GPC6: variants seen among roughly 807,000 people sequenced by gnomAD.
The protein encoded by GPC6 is glypican 6.
Under a neutral mutation model 55.2 loss-of-function variants are expected in GPC6, and 14 were observed. That is an observed-to-expected ratio of 0.25 (90% confidence interval 0.17 to 0.40). The LOEUF (loss-of-function observed/expected upper bound fraction) is 0.40. Ranked by LOEUF, GPC6 falls within the 10% of genes least tolerant of loss-of-function variation. GPC6 has a pLI of 1.00. For synonymous variants in GPC6, 278 were observed against 259.6 expected (o/e 1.07, Z -0.68); for missense variants, 641 against 708.5 (o/e 0.90, Z 1.08).
chr13:93,303,167 C>A (rs189338785), intron 1 of GPC6, among the ~76,000 whole-genome samples: 2 of 152,258 alleles, frequency 1.3e-5, no homozygotes, highest in East Asian at 1.9e-4. Flanking sequence ...GCCCCAGAAC[C>A]ACTTTTGGTT....
chr13:94,291,587 A>G (rs1355986079), intron 5 of GPC6, among the ~76,000 whole-genome samples: 1 of 152,228 alleles, frequency 6.6e-6, no homozygotes, highest in Non-Finnish European at 1.5e-5. Flanking sequence ...TTTTAAATTT[A>G]GAAATCTGTA....
intron 4 of GPC6, among the ~76,000 whole-genome samples, chr13:94,193,360 G>C (rs946090851): frequency 6.6e-5 from 10 of 152,230 alleles, no homozygotes; most frequent in Admixed American, 2.6e-4. Flanking sequence ...TTGCAAGCTG[G>C]TGAGGCTGTA....
chr13:94,372,070 CTCCT>C (rs766074725), intron 6 of GPC6, among the ~76,000 whole-genome samples: 7 of 151,782 alleles, frequency 4.6e-5, no homozygotes, highest in Admixed American at 3.9e-4. Flanking sequence ...CCTTCCCTCC[CTCCT>C]TCCTTCCTTT....
intron 2 of GPC6, among the ~76,000 whole-genome samples, chr13:93,648,668 G>A (rs1041756095): frequency 9.9e-5 from 15 of 152,132 alleles, no homozygotes; most frequent in African/African-American, 7.2e-5. Flanking sequence ...TCTGAACATG[G>A]AATTTTATAT....
chr13:93,385,003 G>A (rs1040964053), intron 1 of GPC6, among the ~76,000 whole-genome samples: 1 of 152,204 alleles, frequency 6.6e-6, no homozygotes, highest in Non-Finnish European at 1.5e-5. Flanking sequence ...GGAGAGACCA[G>A]TAGAAGGGAA....
At chr13:94,352,388 G>A (rs1878594440) in intron 6 of GPC6, among the ~76,000 whole-genome samples, 2 of 151,382 alleles carry the variant, frequency 1.3e-5, no homozygotes, top group Admixed American at 6.6e-5. Flanking sequence ...CATTGCTGGA[G>A]GGCTGAGGAT....
intron 2 of GPC6, among the ~76,000 whole-genome samples, chr13:93,598,099 G>T (rs367996917): frequency 1.3e-5 from 2 of 152,094 alleles, no homozygotes; most frequent in East Asian, 3.8e-4. Flanking sequence ...AGCTGAGATC[G>T]TGCCACTGCA....
In GPC6 at chr13:93,717,677, A is replaced by C. The variant is rs574038878; in HGVS notation, c.320-112477A>C. Reference sequence around the variant, plus strand: ...TGTGCAGAATGTGCAGGTTTGTTACATAGGTATACATGTGCCATGGTGGTT... The same window carrying C: ...TGTGCAGAATGTGCAGGTTTGTTACCTAGGTATACATGTGCCATGGTGGTT... On this transcript the variant is annotated intron_variant, in intron 2 of 8. Transcript: ENST00000377047. Among the ~76,000 whole-genome samples, 6 of 151,806 alleles carry C rather than the reference A, an allele frequency of 4.0e-5. No individual in the cohort carries two copies. The East Asian group carries it at 9.7e-4, about 25-fold the overall frequency.
intron 3 of GPC6, among the ~76,000 whole-genome samples, chr13:93,931,292 G>A (rs1878158070): frequency 6.6e-6 from 1 of 152,032 alleles, no homozygotes; most frequent in Admixed American, 6.6e-5. Context: ...ATGACAACTG[G>A]ATTTGGGCAG....
chr13:94,328,289 C>G (rs1288648349), intron 6 of GPC6, among the ~76,000 whole-genome samples: 1 of 152,222 alleles, frequency 6.6e-6, no homozygotes, highest in Non-Finnish European at 1.5e-5. Context: ...ACTGCTACTG[C>G]TTTGAGAACC....
intron 1 of GPC6, among the ~76,000 whole-genome samples, chr13:93,351,385 A>T (rs559832674): frequency 9.4e-4 from 143 of 152,232 alleles, no homozygotes; most frequent in African/African-American, 3.3e-3. Context: ...AACAATTATA[A>T]GGTGATTATT....
intron 2 of GPC6, among the ~76,000 whole-genome samples, chr13:93,738,653 G>A (rs778957443): frequency 8.0e-4 from 121 of 152,018 alleles, no homozygotes; most frequent in Non-Finnish European, 1.5e-3. Context: ...AGAGACATGG[G>A]GGTTTGGAGT....
intron 4 of GPC6, among the ~76,000 whole-genome samples, chr13:94,266,372 G>T (rs922172482): frequency 1.3e-5 from 2 of 152,072 alleles, no homozygotes; most frequent in Non-Finnish European, 2.9e-5. Flanking sequence ...GTTTCACTGT[G>T]TTAGCCAGGA....
At chr13:94,222,087 A>G (rs1341510048) in intron 4 of GPC6, among the ~76,000 whole-genome samples, 1 of 151,632 alleles carries the variant, frequency 6.6e-6, no homozygotes, top group African/African-American at 2.4e-5. Context: ...GGTTTTTGTC[A>G]CAAACAAAAT....
rs1025304366 is a variant in GPC6, at chr13:93,426,937, G to C, written c.161-118326G>C. ...ATTTTAATGATTGCCATTCTAACTG[G>C]TGTGAGATGGTATCTCATTGTGGTT... On this transcript the variant is annotated intron_variant, in intron 1 of 8. Transcript: ENST00000377047. Among the ~76,000 whole-genome samples, 335 of 149,096 alleles carry C rather than the reference G, an allele frequency of 2.2e-3. 1 individual carries two copies. Among genetic ancestry groups the C allele is most frequent in the African/African-American group, 8.0e-3 (324 of 40,340 alleles).
chr13:93,714,338 A>G (rs1883176879), intron 2 of GPC6, among the ~76,000 whole-genome samples: 1 of 151,808 alleles, frequency 6.6e-6, no homozygotes, highest in South Asian at 2.1e-4. Context: ...AAAAATGCCC[A>G]TCATCACTAG....
chr13:94,361,677 G>C (rs368190641), intron 6 of GPC6, among the ~76,000 whole-genome samples: 1 of 152,338 alleles, frequency 6.6e-6, no homozygotes, highest in Admixed American at 6.5e-5. Context: ...GACAATAATC[G>C]TTCCAAGTAA....
chr13:94,280,975 T>G (rs1464033717), intron 4 of GPC6, among the ~76,000 whole-genome samples: 1 of 152,198 alleles, frequency 6.6e-6, no homozygotes, highest in African/African-American at 2.4e-5. Context: ...TTTTATTTTT[T>G]TAATTTTAAT....
chr13:93,396,047 G>A (rs1019812459), intron 1 of GPC6, among the ~76,000 whole-genome samples: 2 of 152,130 alleles, frequency 1.3e-5, no homozygotes, highest in Non-Finnish European at 2.9e-5. Context: ...TTTATATCCT[G>A]GAGAAGAAAT....
Sources: allele counts gnomAD v4.1 joint callset (sites outside exome capture counted in the v4.1 genomes callset), GRCh38; gene constraint gnomAD v4.1.1; transcripts MANE v1.5; gene names NCBI Gene and HGNC (gene_info 2026-07-23, HGNC 2026-07-21).